BMAL1: variants seen among roughly 807,000 people sequenced by gnomAD.
BMAL1 encodes the protein basic helix-loop-helix ARNT like 1, also known as basic helix-loop-helix ARNT-like protein 1.
At chr11:13,357,483 G>A in the BMAL1 span, among the ~76,000 whole-genome samples, 5 of 152,226 alleles carry the variant, frequency 3.3e-5, no homozygotes, top group South Asian at 2.1e-4. The surrounding 1 kb of genome is among the most constrained non-coding windows in gnomAD (Gnocchi z 4.8). Context: ...ATTGCACTGC[G>A]AGTTGCAACT....
the BMAL1 span, chr11:13,356,659 G>A: frequency 1.3e-6 from 2 of 1,536,072 alleles, no homozygotes; most frequent in Admixed American, 3.6e-5. Flanking sequence ...CTGGATAAAT[G>A]AGAGCCTTCT....
the BMAL1 span, chr11:13,357,181 C>G: frequency 2.3e-5 from 36 of 1,575,822 alleles, no homozygotes; most frequent in South Asian, 2.5e-4. The surrounding 1 kb of genome is among the most constrained non-coding windows in gnomAD (Gnocchi z 4.8). Context: ...ATGTTTGGTC[C>G]TGTCTAAGAG....
At chr11:13,279,281 A>G in the BMAL1 span, among the ~76,000 whole-genome samples, 2 of 152,212 alleles carry the variant, frequency 1.3e-5, no homozygotes, top group East Asian at 3.8e-4. Flanking sequence ...GTATACCCGT[A>G]TTTCCAGCAT....
the BMAL1 span, among the ~76,000 whole-genome samples, chr11:13,317,848 T>C: frequency 1.1e-3 from 161 of 152,344 alleles, no homozygotes; most frequent in African/African-American, 3.7e-3. Context: ...AATACGTAGA[T>C]ACTTTCAGGC....
the BMAL1 span, chr11:13,353,335 C>A: frequency 6.4e-6 from 1 of 155,776 alleles, no homozygotes. Flanking sequence ...CCTCCCAAAG[C>A]TGTATGCTCA....
the BMAL1 span, among the ~76,000 whole-genome samples, chr11:13,348,949 C>A: frequency 6.6e-6 from 1 of 152,130 alleles, no homozygotes; most frequent in East Asian, 1.9e-4. Context: ...GTCAGGAAAG[C>A]CCCGTTTAAA....
At chr11:13,298,019 A>G in the BMAL1 span, among the ~76,000 whole-genome samples, 3 of 152,202 alleles carry the variant, frequency 2.0e-5, no homozygotes, top group Non-Finnish European at 4.4e-5. Context: ...TGTCCCAGTC[A>G]GAGGAAAAGC....
chr11:13,286,360 T>TAGTGCAG, the BMAL1 span, among the ~76,000 whole-genome samples: 2 of 152,236 alleles, frequency 1.3e-5, no homozygotes, highest in Admixed American at 1.3e-4. Context: ...AATGAGACAG[T>TAGTGCAG]AGTGCAGAGA....
the BMAL1 span, among the ~76,000 whole-genome samples, chr11:13,302,124 G>C: frequency 1.3e-5 from 2 of 152,310 alleles, no homozygotes; most frequent in African/African-American, 4.8e-5. Context: ...GATGGGAGGA[G>C]GGTTTGGTGA....
At chr11:13,319,058 A>G in the BMAL1 span, among the ~76,000 whole-genome samples, 1 of 152,140 alleles carries the variant, frequency 6.6e-6, no homozygotes, top group Non-Finnish European at 1.5e-5. Flanking sequence ...CTCAACCACG[A>G]CATAGATACT....
chr11:13,370,651 C>T, the BMAL1 span, among the ~76,000 whole-genome samples: 8 of 152,284 alleles, frequency 5.3e-5, no homozygotes, highest in East Asian at 1.4e-3. Context: ...ATGCTGCCTA[C>T]TTTCACTCAG....
the BMAL1 span, chr11:13,372,405 C>A: frequency 6.2e-7 from 1 of 1,614,054 alleles, no homozygotes; most frequent in Non-Finnish European, 8.5e-7. Context: ...TTTTGTAGAC[C>A]AGAGGTAAGA....
chr11:13,281,108 T>G, the BMAL1 span, among the ~76,000 whole-genome samples: 1 of 152,154 alleles, frequency 6.6e-6, no homozygotes, highest in East Asian at 1.9e-4. Context: ...AGCCTTTCCT[T>G]TGTGCCAGCT....
the BMAL1 span, among the ~76,000 whole-genome samples, chr11:13,384,424 T>C: frequency 6.6e-6 from 1 of 152,340 alleles, no homozygotes; most frequent in African/African-American, 2.4e-5. Flanking sequence ...GGGTAAAAGA[T>C]CCATCCTAAG....
chr11:13,376,102 G>C, the BMAL1 span, among the ~76,000 whole-genome samples: 1 of 152,200 alleles, frequency 6.6e-6, no homozygotes, highest in Non-Finnish European at 1.5e-5. Context: ...TCTATGAAAG[G>C]CTCATTCAGG....
chr11:13,316,557 C>T, the BMAL1 span, among the ~76,000 whole-genome samples: 1 of 152,150 alleles, frequency 6.6e-6, no homozygotes, highest in African/African-American at 2.4e-5. Flanking sequence ...ACTTCCCAGA[C>T]CTCATTGAGA....
chr11:13,277,707 G>C, the BMAL1 span: 1 of 141,968 alleles, frequency 7.0e-6, no homozygotes, highest in Non-Finnish European at 1.6e-5. Flanking sequence ...TTGGTGGGCG[G>C]GGAAGGGGGG....
At chr11:13,282,071 T>C in the BMAL1 span, among the ~76,000 whole-genome samples, 1 of 152,170 alleles carries the variant, frequency 6.6e-6, no homozygotes, top group South Asian at 2.1e-4. Context: ...GTTACAGGTT[T>C]GCAGACTGCT....
At chr11:13,300,134 C>A in the BMAL1 span, among the ~76,000 whole-genome samples, 1 of 152,196 alleles carries the variant, frequency 6.6e-6, no homozygotes, top group Non-Finnish European at 1.5e-5. Flanking sequence ...CGCCCCAGCC[C>A]TTTTCCATGG....
Sources: allele counts gnomAD v4.1 joint callset (sites outside exome capture counted in the v4.1 genomes callset), GRCh38; gene constraint gnomAD v4.1.1; non-coding constraint Gnocchi (gnomAD v3.1); transcripts MANE v1.5; gene names NCBI Gene and HGNC (gene_info 2026-07-23, HGNC 2026-07-21).